The following TRPC4 variants were observed in gnomAD, a reference collection of about 807,000 sequenced individuals.
The protein encoded by TRPC4 is short transient receptor potential channel 4.
A neutral mutation model predicts 99.4 loss-of-function variants in TRPC4; 49 were observed. The observed-to-expected ratio is 0.49, with a 90% CI of 0.39 to 0.63. TRPC4 has a LOEUF of 0.63. TRPC4 is among the 20% of genes least tolerant of loss of function. The pLI is 0.00. For synonymous variants in TRPC4, 454 were observed against 425.9 expected (o/e 1.07, Z -0.81); for missense variants, 898 against 1,152.9 (o/e 0.78, Z 3.20).
intron 1 of TRPC4, among the ~76,000 whole-genome samples, chr13:37,828,000 A>C (rs1296215078): frequency 2.0e-5 from 3 of 152,138 alleles, no homozygotes; most frequent in Non-Finnish European, 2.9e-5. Flanking sequence ...GCCCGTCGGA[A>C]AAGTGCAGTA....
At chr13:37,826,890 T>C (rs2762073) in intron 1 of TRPC4, among the ~76,000 whole-genome samples, 150,424 of 152,212 alleles carry the variant, frequency 0.99, 74,353 homozygotes, top group Middle Eastern at 1. Flanking sequence ...TTCCATTCTC[T>C]CCACCACTTT....
At chr13:37,782,478 T>C (rs1371665735) in intron 2 of TRPC4, among the ~76,000 whole-genome samples, 2 of 151,956 alleles carry the variant, frequency 1.3e-5, no homozygotes, top group African/African-American at 4.8e-5. Flanking sequence ...AAGGATAATA[T>C]CAAAATTAGA....
chr13:37,659,723 A>G (rs1477540121), intron 6 of TRPC4, among the ~76,000 whole-genome samples: 1 of 152,160 alleles, frequency 6.6e-6, no homozygotes, highest in Non-Finnish European at 1.5e-5. Flanking sequence ...GCATCAGTGG[A>G]GAGCAAGGGG....
chr13:37,658,780 A>C (rs959937127), intron 6 of TRPC4, among the ~76,000 whole-genome samples: 5 of 152,186 alleles, frequency 3.3e-5, no homozygotes, highest in Non-Finnish European at 4.4e-5. Flanking sequence ...GGTAATGAGA[A>C]AATAACCTGG....
At chr13:37,831,096 ATT>A (rs141053161) in intron 1 of TRPC4, among the ~76,000 whole-genome samples, 12 of 150,986 alleles carry the variant, frequency 7.9e-5, no homozygotes, top group African/African-American at 2.4e-4. Flanking sequence ...GTACAGAAGA[ATT>A]TTTTTTTCAC....
At chr13:37,639,000 T>G in intron 10 of TRPC4, 40 bp downstream of exon 10, 1 of 1,588,748 alleles carries the variant, frequency 6.3e-7, no homozygotes, top group Non-Finnish European at 8.6e-7. Flanking sequence ...ATCCATATTC[T>G]GCACAATCTG....
intron 6 of TRPC4, 77 bp from the exon 7 acceptor site, chr13:37,655,360 C>G: frequency 1.8e-6 from 1 of 562,036 alleles, no homozygotes; most frequent in Non-Finnish European, 2.4e-6. Context: ...TAAAGCTTGG[C>G]ATGATTATAT....
At chr13:37,779,142 T>C (rs1956776116) in intron 2 of TRPC4, among the ~76,000 whole-genome samples, 1 of 152,068 alleles carries the variant, frequency 6.6e-6, no homozygotes, top group African/African-American at 2.4e-5. Context: ...GATAAACATT[T>C]ACTGAAGCAG....
At chr13:37,714,934 C>T (rs1363187871) in intron 3 of TRPC4, among the ~76,000 whole-genome samples, 1 of 152,202 alleles carries the variant, frequency 6.6e-6, no homozygotes, top group Non-Finnish European at 1.5e-5. Context: ...TTCACCTCAG[C>T]ATTACCAAAG....
Position 37,740,003 on chromosome 13 carries a change from G to A in TRPC4, c.897+5934C>T, listed in dbSNP as rs114169213. Among the ~76,000 whole-genome samples the A allele has an allele frequency of 3.8e-3, 571 of 152,190 alleles. 5 individuals are homozygous for A. The highest frequency in any genetic ancestry group is 0.013 in the African/African-American group (530 of 41,542). On this transcript the variant is annotated intron_variant, in intron 3 of 10. Transcript: ENST00000379705. ...GTGGTTAACAATGGTCAGCTATGCC[G>A]TCAAATTTGTAGCAAGTGCAAAGGT...
chr13:37,753,757 G>C (rs1243162952), intron 2 of TRPC4, among the ~76,000 whole-genome samples: 1 of 152,124 alleles, frequency 6.6e-6, no homozygotes, highest in Non-Finnish European at 1.5e-5. Context: ...GGATGGAAAG[G>C]TGAACACAAG....
chr13:37,773,977 C>A (rs1342193735), intron 2 of TRPC4, among the ~76,000 whole-genome samples: 1 of 151,686 alleles, frequency 6.6e-6, no homozygotes, highest in Non-Finnish European at 1.5e-5. Flanking sequence ...CTAATTTTTA[C>A]TTTACTCATC....
Position 37,635,008 on chromosome 13 carries a change from C to A in TRPC4, c.*1895G>T, listed in dbSNP as rs1012357501. On this transcript the variant is annotated 3_prime_UTR_variant, in exon 11 of 11. Transcript: ENST00000379705. Reference sequence around the variant, plus strand: ...TTCTGAAAATTAAAATCTAGTATTTCAAATTGAGTTCTGAGATCACATAAT... The same window carrying A: ...TTCTGAAAATTAAAATCTAGTATTTAAAATTGAGTTCTGAGATCACATAAT... Among the ~76,000 whole-genome samples the A allele has an allele frequency of 2.0e-5, 3 of 151,960 alleles. No individual in the cohort carries two copies. Among genetic ancestry groups the A allele is most frequent in the African/African-American group, 7.2e-5 (3 of 41,388 alleles).
At chr13:37,753,284 A>G (rs1955987435) in intron 2 of TRPC4, among the ~76,000 whole-genome samples, 2 of 152,118 alleles carry the variant, frequency 1.3e-5, no homozygotes, top group Non-Finnish European at 2.9e-5. Flanking sequence ...AAATGCTTCA[A>G]TGTAGATTAG....
intron 1 of TRPC4, among the ~76,000 whole-genome samples, chr13:37,840,019 A>T (rs1312321936): frequency 6.6e-6 from 1 of 152,054 alleles, no homozygotes; most frequent in Non-Finnish European, 1.5e-5. Context: ...ATTTTACTCT[A>T]AACAGAATTT....
intron 3 of TRPC4, among the ~76,000 whole-genome samples, chr13:37,694,094 T>C (rs1953827076): frequency 6.6e-6 from 1 of 152,224 alleles, no homozygotes; most frequent in Non-Finnish European, 1.5e-5. Flanking sequence ...GTTTTATTTT[T>C]TCCCCGTATA....
At position 37,632,224 on chromosome 13, in the gene TRPC4, A is replaced by G. The variant is rs572155644; in HGVS notation, c.*4679T>C. Among the ~76,000 whole-genome samples, 1 of 152,364 alleles carries G rather than the reference A, an allele frequency of 6.6e-6. No individual in the cohort carries two copies. The highest frequency in any genetic ancestry group is 1.9e-4 in the East Asian group (1 of 5,190). On this transcript the variant is annotated 3_prime_UTR_variant, in exon 11 of 11. Transcript: ENST00000379705. ...CACTGTCCAATAGAAATGTATTGCA[A>G]GGCACAAATGCAAGCCACATACGTA... is the stretch of plus-strand genomic sequence containing the variant.
chr13:37,833,764 AG>A (rs1273437995), intron 1 of TRPC4, among the ~76,000 whole-genome samples: 2 of 152,170 alleles, frequency 1.3e-5, no homozygotes, highest in Non-Finnish European at 2.9e-5. Flanking sequence ...CATCCTACTC[AG>A]TCTTCATTCA....
At chr13:37,693,827 T>G (rs1419125253) in intron 3 of TRPC4, among the ~76,000 whole-genome samples, 1 of 152,178 alleles carries the variant, frequency 6.6e-6, no homozygotes, top group African/African-American at 2.4e-5. Context: ...TGAATTAAGT[T>G]TATAATAATG....
Sources: allele counts gnomAD v4.1 joint callset (sites outside exome capture counted in the v4.1 genomes callset), GRCh38; gene constraint gnomAD v4.1.1; transcripts MANE v1.5; gene names NCBI Gene and HGNC (gene_info 2026-07-23, HGNC 2026-07-21).